The following HTR2C variants were observed in gnomAD, a reference collection of about 807,000 sequenced individuals.
HTR2C encodes the protein 5-hydroxytryptamine receptor 2C.
Under a neutral mutation model 21.0 loss-of-function variants are expected in HTR2C, and 5 were observed. The observed-to-expected ratio is 0.24, with a 90% CI of 0.12 to 0.50. The LOEUF is 0.50. Ranked by LOEUF, HTR2C falls within the 20% of genes least tolerant of loss-of-function variation. HTR2C has a pLI of 0.98. For missense variants in HTR2C, 271 were observed against 371.2 expected (o/e 0.73, Z 2.22); for synonymous variants, 150 against 145.3 (o/e 1.03, Z -0.23).
intron 4 of HTR2C, among the ~76,000 whole-genome samples, chrX:114,774,096 G>A (rs1293276334): frequency 2.7e-5 from 3 of 112,304 alleles, no homozygotes; most frequent in Admixed American, 1.9e-4. Context: ...ACAGTGGGAT[G>A]TCATAATATA....
chrX:114,850,739 A>G (rs2070910219), intron 5 of HTR2C, among the ~76,000 whole-genome samples: 2 of 111,309 alleles, frequency 1.8e-5, no homozygotes, highest in South Asian at 7.4e-4. Context: ...AAAATATAAA[A>G]CGTATACTGA....
rs782662523 is a variant in HTR2C, at chrX:114,906,951, A to G, written c.913A>G (p.Asn305Asp). Residue 305 changes from asparagine (N) to aspartate (D), a missense_variant, in exon 6 of 6, where the codon AAT becomes GAT. Around this residue, in one of 5 missense-constraint regions of HTR2C, gnomAD observed 192 missense variants for 247.2 expected, o/e 0.78. Coordinates refer to ENST00000276198, the MANE Select transcript of HTR2C (RefSeq NM_000868.4). ...TAGGGGCACCATGCAGGCTATCAAC[A>G]ATGAAAGAAAAGCTTCGAAAGTCCT... ...RPRGTMQAIN[N>D]ERKASKVLGI... 1 of 1,210,939 alleles carries G rather than the reference A, an allele frequency of 8.3e-7. No homozygotes were observed. Among genetic ancestry groups the G allele is most frequent in the Admixed American group, 2.2e-5 (1 of 45,933 alleles).
rs1556488276 is a variant in HTR2C, at chrX:114,909,821, T to C, written c.*2406T>C. 8.9e-6 allele frequency: 1 copy of C among 112,572 alleles called. No homozygotes were observed. Among genetic ancestry groups the C allele is most frequent in the African/African-American group, 3.2e-5 (1 of 30,933 alleles). 9.3% of individuals were successfully genotyped at this position (112,572 alleles called of 1,213,427 possible). A position where few individuals can be genotyped will look rare whatever the true frequency, so the allele number is the denominator to read the frequency against. On this transcript the variant is annotated 3_prime_UTR_variant, in exon 6 of 6. Transcript: ENST00000276198. ...AAATGTTTTAAAGAAGTCCATGTGA[T>C]AATTGTAAAGGTGATGAATTTACCA...
At chrX:114,737,162 T>G (rs2069598628) in intron 4 of HTR2C, among the ~76,000 whole-genome samples, 1 of 109,187 alleles carries the variant, frequency 9.2e-6, no homozygotes, top group African/African-American at 3.3e-5. Flanking sequence ...TAGAGAACAG[T>G]AGAGAATAAA....
intron 4 of HTR2C, among the ~76,000 whole-genome samples, chrX:114,806,970 A>G (rs1314235200): frequency 2.9e-5 from 3 of 102,212 alleles, no homozygotes; most frequent in Non-Finnish European, 5.9e-5. Context: ...TATATACCAT[A>G]TATACCATAT....
intron 2 of HTR2C, among the ~76,000 whole-genome samples, chrX:114,686,840 G>C (rs1246674944): frequency 1.8e-5 from 2 of 110,615 alleles, no homozygotes; most frequent in Non-Finnish European, 3.8e-5. Context: ...ATTTTATAAC[G>C]TTTCAGATAA....
chrX:114,901,470 T>C (rs1270534790), intron 5 of HTR2C, among the ~76,000 whole-genome samples: 1 of 111,709 alleles, frequency 9.0e-6, no homozygotes, highest in African/African-American at 3.2e-5. Context: ...ATAGCAGTAG[T>C]AGTTATAATA....
At chrX:114,644,367 ATATATATATAT>A (rs1930271222) in intron 2 of HTR2C, among the ~76,000 whole-genome samples, 963 of 48,383 alleles carry the variant, frequency 0.02, 25 homozygotes, top group Middle Eastern at 0.024. Context: ...AAATAAATAT[ATATATATATAT>A]ATATATATAT....
chrX:114,825,926 T>C (rs1002800414), intron 4 of HTR2C, among the ~76,000 whole-genome samples: 1 of 111,692 alleles, frequency 9.0e-6, no homozygotes, highest in African/African-American at 3.3e-5. Flanking sequence ...TGATATCCGA[T>C]GATCTGCAAT....
chrX:114,827,891 T>C (rs1556459083), intron 4 of HTR2C, among the ~76,000 whole-genome samples: 1 of 111,492 alleles, frequency 9.0e-6, no homozygotes. Context: ...CTTTATCTTT[T>C]ATTTTGACCA....
At chrX:114,857,382 G>A (rs782084324) in intron 5 of HTR2C, among the ~76,000 whole-genome samples, 8 of 111,355 alleles carry the variant, frequency 7.2e-5, no homozygotes, top group African/African-American at 2.3e-4. Flanking sequence ...ATAGACTACA[G>A]ACCAGATTTG....
Position 114,907,780 on chromosome X carries a change from A to G in HTR2C, c.*365A>G. ...GTGGCATTTGCAGGTGACCAGAATG[A>G]GGCACATGACAGTGGTTATATTTCA... is the stretch of plus-strand genomic sequence containing the variant. On this transcript the variant is annotated 3_prime_UTR_variant, in exon 6 of 6. Coordinates refer to ENST00000276198, the MANE Select transcript of HTR2C (RefSeq NM_000868.4). 1 of 162,083 alleles carries G rather than the reference A, an allele frequency of 6.2e-6. No individual in the cohort carries two copies. Among genetic ancestry groups the G allele is most frequent in the Admixed American group, 7.2e-5 (1 of 13,950 alleles). The allele number at this position is 162,083 out of a possible 1,213,427, so 13.4% of individuals were successfully genotyped here. A position where few individuals can be genotyped will look rare whatever the true frequency, so the allele number is the denominator to read the frequency against.
In HTR2C at chrX:114,731,445, A is replaced by G. The variant is rs782475474; in HGVS notation, c.187A>G (p.Ile63Val). The G allele has an allele frequency of 1.7e-6, 2 of 1,210,843 alleles. No homozygotes were observed. Among genetic ancestry groups the G allele is most frequent in the Non-Finnish European group, 2.2e-6 (2 of 895,036 alleles). ...CTGGCCAGCACTTTCAATCGTCATC[A>G]TAATAATCATGACAATAGGTGGCAA... ...QNWPALSIVI[I>V]IIMTIGGNIL... Residue 63 changes from isoleucine (I) to valine (V), a missense_variant, in exon 4 of 6, where the codon ATA becomes GTA. Physicochemically the swap from Ile to Val is conservative, Grantham distance 29 (BLOSUM62 3). Coordinates refer to ENST00000276198, the MANE Select transcript of HTR2C (RefSeq NM_000868.4).
intron 2 of HTR2C, among the ~76,000 whole-genome samples, chrX:114,705,338 T>C (rs1269058892): frequency 2.7e-5 from 3 of 111,265 alleles, no homozygotes; most frequent in Non-Finnish European, 5.7e-5. Flanking sequence ...CAAAACAACA[T>C]GGTACTGGCA....
rs939417161 is a variant in HTR2C at position 114,623,875 on chromosome X, T to C, written c.-80+9994T>C. ...GAAATAGTCTAAACCATTGGTGTCTTAGTCTACAAGTTGTCTCTTTTTTTG... is the reference window on the plus strand; with the variant it reads ...GAAATAGTCTAAACCATTGGTGTCTCAGTCTACAAGTTGTCTCTTTTTTTG... On this transcript the variant is annotated intron_variant, in intron 2 of 5. Transcript: ENST00000276198. Among the ~76,000 whole-genome samples the C allele has an allele frequency of 2.8e-5, 3 of 107,981 alleles. No homozygotes were observed. In the East Asian group the frequency reaches 8.6e-4, roughly 31 times the overall value. The allele number at this position is 107,981 out of a possible 115,157, so 93.8% of individuals were successfully genotyped here.
Position 114,906,901 on chromosome X carries a change from G to T in HTR2C, c.863G>T (p.Arg288Leu). The change falls in exon 6 of 6, where the codon CGA (arginine) becomes CTA (leucine). Residue 288 changes from arginine to leucine, a missense_variant. Physicochemically the swap from Arg to Leu is moderately radical, Grantham distance 102 (BLOSUM62 -2). This residue lies in a region of HTR2C where 192 missense variants were observed against 247.2 expected (regional missense o/e 0.78). Transcript: ENST00000276198. ...CCTAACCAAGACCAGAACGCACGCC[G>T]AAGAAAGAAGAAGGAGAGACGTCCT... ...ANPNQDQNAR[R>L]RKKKERRPRG... 8.3e-7 allele frequency: 1 copy of T among 1,210,786 alleles called. No individual in the cohort carries two copies. Among genetic ancestry groups the T allele is most frequent in the Middle Eastern group, 2.3e-4 (1 of 4,354 alleles).
intron 4 of HTR2C, among the ~76,000 whole-genome samples, chrX:114,806,190 C>CAT (rs1296527171): frequency 4.1e-5 from 4 of 97,728 alleles, no homozygotes; most frequent in African/African-American, 1.5e-4. Flanking sequence ...ATATATACAC[C>CAT]ATATATATAC....
At chrX:114,612,141 C>T (rs890127052) in intron 1 of HTR2C, among the ~76,000 whole-genome samples, 4 of 111,460 alleles carry the variant, frequency 3.6e-5, no homozygotes, top group South Asian at 3.7e-4. Context: ...TATTTAAATG[C>T]GGCTATAACA....
intron 2 of HTR2C, among the ~76,000 whole-genome samples, chrX:114,621,893 G>A (rs1556401786): frequency 1.8e-5 from 2 of 111,645 alleles, no homozygotes; most frequent in African/African-American, 6.5e-5. Flanking sequence ...AGAATGAGCA[G>A]TGGGGGATGC....
Sources: gnomAD v4.1 joint callset for allele counts (sites outside exome capture counted in the v4.1 genomes callset) on GRCh38, gnomAD v4.1.1 for gene constraint, gnomAD v4.1.1 regional missense constraint, MANE v1.5 for transcripts, NCBI Gene and HGNC (gene_info 2026-07-23, HGNC 2026-07-21) for gene names.